DPYD: variants seen among roughly 807,000 people sequenced by gnomAD.
DPYD encodes the protein dihydropyrimidine dehydrogenase [NADP(+)].
In DPYD, 109 loss-of-function variants were observed where a neutral mutation model predicts 116.2. The ratio of observed to expected loss-of-function variants is 0.94; its 90% CI spans 0.80 to 1.10. DPYD has a LOEUF of 1.10. Ranked by LOEUF, DPYD falls within the 50% of genes least tolerant of loss-of-function variation. DPYD has a pLI of 0.00. For synonymous variants in DPYD, 440 were observed against 432.0 expected (o/e 1.02, Z -0.23); for missense variants, 1,302 against 1,254.5 (o/e 1.04, Z -0.57).
chr1:97,471,347 A>G (rs1677638395), intron 13 of DPYD, among the ~76,000 whole-genome samples: 2 of 152,196 alleles, frequency 1.3e-5, no homozygotes, highest in South Asian at 2.1e-4. Flanking sequence ...AAGGAGACCA[A>G]ATATCTTGGA....
At chr1:97,252,064 A>T (rs551422425) in intron 18 of DPYD, among the ~76,000 whole-genome samples, 6 of 136,518 alleles carry the variant, frequency 4.4e-5, no homozygotes, top group East Asian at 1.9e-4. Context: ...TGTAGTCATA[A>T]ACTTAACTTC....
chr1:97,609,271 C>A (rs1159028778), intron 8 of DPYD, among the ~76,000 whole-genome samples: 1 of 151,898 alleles, frequency 6.6e-6, no homozygotes, highest in Admixed American at 6.6e-5. Flanking sequence ...AGGGCCACTA[C>A]CGGCAATGAA....
At position 97,748,242 on chromosome 1, in the gene DPYD, A is replaced by T. The variant is rs138712348; in HGVS notation, c.234-7763T>A. Among the ~76,000 whole-genome samples, 4 of 152,238 alleles carry T rather than the reference A, an allele frequency of 2.6e-5. No homozygotes were observed. The East Asian group carries it at 7.7e-4, about 29-fold the overall frequency. Reference sequence around the variant, plus strand: ...TTATGCTGAAAGTTGAGGAACAGGTAGGTTTTGACCATGTAGAGATTAGTA... The same window carrying T: ...TTATGCTGAAAGTTGAGGAACAGGTTGGTTTTGACCATGTAGAGATTAGTA... On this transcript the variant is annotated intron_variant, in intron 3 of 22. Coordinates refer to ENST00000370192, the MANE Select transcript of DPYD (RefSeq NM_000110.4).
chr1:97,559,158 T>C (rs1264713887), intron 11 of DPYD, among the ~76,000 whole-genome samples: 4 of 152,148 alleles, frequency 2.6e-5, no homozygotes, highest in Admixed American at 2.6e-4. Context: ...ATATTTTTTG[T>C]ATACTTCTCA....
intron 19 of DPYD, among the ~76,000 whole-genome samples, chr1:97,204,494 C>T (rs576091590): frequency 6.6e-6 from 1 of 152,176 alleles, no homozygotes; most frequent in African/African-American, 2.4e-5. Context: ...ACTCTGACAA[C>T]CTGAAGAAAG....
intron 14 of DPYD, among the ~76,000 whole-genome samples, chr1:97,386,957 AT>A (rs1473305052): frequency 2.6e-5 from 4 of 151,826 alleles, no homozygotes; most frequent in Non-Finnish European, 4.4e-5. Flanking sequence ...GAGGGAACAG[AT>A]TTTTTTTCCT....
Position 97,911,265 on chromosome 1 carries a change from A to T in DPYD, c.39+9619T>A, listed in dbSNP as rs12033002. 1.6e-4 allele frequency among the ~76,000 whole-genome samples: 24 copies of T among 152,154 alleles called. No individual in the cohort carries two copies. The East Asian group carries it at 4.7e-3, about 30-fold the overall frequency. ...AATATTGTGATCTTAAGCATAAAGGATGCTTAAGTTTTGTTTCTTACTGTC... is the reference window on the plus strand; with the variant it reads ...AATATTGTGATCTTAAGCATAAAGGTTGCTTAAGTTTTGTTTCTTACTGTC... On this transcript the variant is annotated intron_variant, in intron 1 of 22. Transcript: ENST00000370192.
chr1:97,203,793 C>CAAAAAAAAAAAAAAAAAAA (rs56819543), intron 19 of DPYD, among the ~76,000 whole-genome samples: 3 of 65,714 alleles, frequency 4.6e-5, no homozygotes, highest in African/African-American at 5.9e-5. Flanking sequence ...ATTCACATTC[C>CAAAAAAAAAAAAAAAAAAA]AAAAAAAAAA....
At chr1:97,244,815 G>GTCCTC (rs1662603016) in intron 18 of DPYD, among the ~76,000 whole-genome samples, 1 of 151,940 alleles carries the variant, frequency 6.6e-6, no homozygotes, top group Non-Finnish European at 1.5e-5. Flanking sequence ...AGTTATTGAG[G>GTCCTC]AAACGCACAA....
chr1:97,799,844 C>T (rs1667763408), intron 3 of DPYD, among the ~76,000 whole-genome samples: 1 of 151,910 alleles, frequency 6.6e-6, no homozygotes, highest in Admixed American at 6.6e-5. Context: ...TTCACGTTGC[C>T]TAGAACAGAA....
rs139582003 is a variant in DPYD, at chr1:97,555,081, C to T, written c.1340-5337G>A. Among the ~76,000 whole-genome samples, 747 of 152,258 alleles carry T rather than the reference C, an allele frequency of 4.9e-3. 3 individuals carry two copies. The highest frequency in any genetic ancestry group is 5.8e-3 in the Non-Finnish European group (396 of 68,006). On this transcript the variant is annotated intron_variant, in intron 11 of 22. Coordinates refer to ENST00000370192, the MANE Select transcript of DPYD (RefSeq NM_000110.4). ...TCCTTGAATGAAAGTATGGTCTCCA[C>T]GGTCACCAAATTCTGTGACCTTAGT...
chr1:97,350,864 A>G (rs1670102541), intron 16 of DPYD, among the ~76,000 whole-genome samples: 2 of 152,194 alleles, frequency 1.3e-5, no homozygotes, highest in African/African-American at 4.8e-5. Flanking sequence ...GTCATGTCAA[A>G]GACTTGTAAA....
chr1:97,358,723 C>T (rs1051117053), intron 16 of DPYD, among the ~76,000 whole-genome samples: 2 of 152,080 alleles, frequency 1.3e-5, no homozygotes, highest in African/African-American at 4.8e-5. Context: ...AGGGACCTGA[C>T]TATTAGAAGG....
intron 20 of DPYD, among the ~76,000 whole-genome samples, chr1:97,150,455 C>T (rs1011518906): frequency 2.6e-5 from 4 of 152,028 alleles, no homozygotes; most frequent in Admixed American, 6.6e-5. Context: ...TTCAAATGTT[C>T]AAGAACATTT....
chr1:97,337,652 ATTTTTT>A (rs67279659), intron 16 of DPYD, among the ~76,000 whole-genome samples: 110 of 145,442 alleles, frequency 7.6e-4, no homozygotes, highest in Non-Finnish European at 1.3e-3. Context: ...GACTTAACAC[ATTTTTT>A]TTTTTTTTTT....
chr1:97,292,557 C>T (rs946839635), intron 18 of DPYD, among the ~76,000 whole-genome samples: 13 of 152,262 alleles, frequency 8.5e-5, no homozygotes, highest in African/African-American at 2.4e-4. Context: ...ATGAGAACTA[C>T]AGTTCAAGAT....
chr1:97,296,274 G>GT (rs1171878370), intron 18 of DPYD: 2 of 152,138 alleles, frequency 1.3e-5, no homozygotes, highest in Non-Finnish European at 2.9e-5. Flanking sequence ...GAAAGAGCAA[G>GT]TCATCAAGTT....
At chr1:97,642,209 C>T (rs1225489847) in intron 8 of DPYD, among the ~76,000 whole-genome samples, 1 of 151,896 alleles carries the variant, frequency 6.6e-6, no homozygotes, top group Non-Finnish European at 1.5e-5. Context: ...CCTCATCAAG[C>T]TACCATTGAC....
At chr1:97,765,578 C>T (rs1242267210) in intron 3 of DPYD, among the ~76,000 whole-genome samples, 1 of 152,184 alleles carries the variant, frequency 6.6e-6, no homozygotes, top group African/African-American at 2.4e-5. Flanking sequence ...GACAGCCTTA[C>T]TCCTTAGGAG....
Sources: gnomAD v4.1 joint callset for allele counts (sites outside exome capture counted in the v4.1 genomes callset) on GRCh38, gnomAD v4.1.1 for gene constraint, MANE v1.5 for transcripts, NCBI Gene and HGNC (gene_info 2026-07-23, HGNC 2026-07-21) for gene names.